KHDRBS2: variants seen among roughly 807,000 people sequenced by gnomAD.
KHDRBS2 encodes the protein KH domain-containing, RNA-binding, signal transduction-associated protein 2.
KHDRBS2 carries 26 observed loss-of-function variants against 44.3 expected under a neutral mutation model. The ratio of observed to expected loss-of-function variants is 0.59; its 90% CI spans 0.43 to 0.81. KHDRBS2 has a LOEUF of 0.81. Among genes scored for constraint, KHDRBS2 ranks in the 40% least tolerant of loss-of-function variants. The probability of loss-of-function intolerance (pLI) is 0.00; values close to 1 mark genes in which losing one functional copy is unlikely to be tolerated. For synonymous variants in KHDRBS2, 194 were observed against 151.1 expected (o/e 1.28, Z -2.08); for missense variants, 476 against 433.1 (o/e 1.10, Z -0.88).
chr6:62,023,281 T>C (rs750293244), intron 3 of KHDRBS2, among the ~76,000 whole-genome samples: 2 of 151,714 alleles, frequency 1.3e-5, no homozygotes, highest in Non-Finnish European at 1.5e-5. Context: ...AACCTGAGTA[T>C]GTGCTTATAT....
chr6:62,131,727 G>T (rs1451488987), intron 2 of KHDRBS2, among the ~76,000 whole-genome samples: 1 of 152,160 alleles, frequency 6.6e-6, no homozygotes, highest in East Asian at 1.9e-4. Flanking sequence ...GCCTGTTGAT[G>T]CAACACATGT....
At chr6:61,625,850 TAA>T in the KHDRBS2 span, among the ~76,000 whole-genome samples, 1 of 152,322 alleles carries the variant, frequency 6.6e-6, no homozygotes, top group South Asian at 2.1e-4. Flanking sequence ...TCATTGTGAT[TAA>T]AACTAAGCAC....
chr6:61,867,611 T>C (rs1256154685), intron 6 of KHDRBS2, among the ~76,000 whole-genome samples: 1 of 152,238 alleles, frequency 6.6e-6, no homozygotes, highest in African/African-American at 2.4e-5. Flanking sequence ...TCTTTGATGT[T>C]GCTGATCTTT....
intron 2 of KHDRBS2, among the ~76,000 whole-genome samples, chr6:62,147,916 TAGA>T (rs1323307785): frequency 1.3e-5 from 2 of 152,020 alleles, no homozygotes; most frequent in Non-Finnish European, 2.9e-5. Flanking sequence ...ACAAAGCTCT[TAGA>T]AGTTTTATCC....
intron 2 of KHDRBS2, among the ~76,000 whole-genome samples, chr6:62,091,157 C>T (rs1441269468): frequency 2.6e-5 from 4 of 152,102 alleles, no homozygotes; most frequent in East Asian, 1.9e-4. Context: ...AGAACTGCCA[C>T]GTTCTTGATC....
At chr6:61,709,598 A>G (rs1233847096) in intron 7 of KHDRBS2, among the ~76,000 whole-genome samples, 1 of 151,646 alleles carries the variant, frequency 6.6e-6, no homozygotes, top group African/African-American at 2.4e-5. Flanking sequence ...TTTTTTGCTT[A>G]CTTTGACCCT....
the KHDRBS2 span, among the ~76,000 whole-genome samples, chr6:61,552,015 A>C: frequency 1.3e-5 from 2 of 151,526 alleles, no homozygotes; most frequent in African/African-American, 4.9e-5. Flanking sequence ...TTGTATCCCA[A>C]AACTTTACTG....
At chr6:61,855,671 G>T (rs1471941743) in intron 6 of KHDRBS2, among the ~76,000 whole-genome samples, 3 of 144,108 alleles carry the variant, frequency 2.1e-5, no homozygotes, top group Non-Finnish European at 4.7e-5. Flanking sequence ...GTTTTTCCCT[G>T]AAGTCTAAGA....
intron 2 of KHDRBS2, among the ~76,000 whole-genome samples, chr6:62,109,077 C>A (rs1804334573): frequency 6.8e-6 from 1 of 146,720 alleles, no homozygotes; most frequent in South Asian, 2.2e-4. Context: ...TGCACATGTA[C>A]CCTAAAACTT....
chr6:61,967,132 A>G (rs1770153940), intron 4 of KHDRBS2, among the ~76,000 whole-genome samples: 1 of 151,600 alleles, frequency 6.6e-6, no homozygotes, highest in Non-Finnish European at 1.5e-5. Context: ...ATATAACAAG[A>G]CACATGAAAT....
the KHDRBS2 span, among the ~76,000 whole-genome samples, chr6:61,672,729 G>T: frequency 6.6e-6 from 1 of 151,700 alleles, no homozygotes; most frequent in Admixed American, 6.6e-5. Flanking sequence ...TGAGTTCATT[G>T]TAGATTCTGG....
chr6:61,760,839 A>G (rs1282231494), intron 6 of KHDRBS2, among the ~76,000 whole-genome samples: 1 of 152,232 alleles, frequency 6.6e-6, no homozygotes, highest in African/African-American at 2.4e-5. Flanking sequence ...CAGGCATAAT[A>G]CAAATAGGTT....
intron 1 of KHDRBS2, among the ~76,000 whole-genome samples, chr6:62,193,491 G>A (rs187599793): frequency 6.6e-5 from 10 of 152,154 alleles, no homozygotes; most frequent in Admixed American, 1.3e-4. Context: ...CCTAATATAT[G>A]TAATTTAAGG....
chr6:61,955,349 CATATATAT>C (rs1766581587), intron 4 of KHDRBS2, among the ~76,000 whole-genome samples: 1 of 100,842 alleles, frequency 9.9e-6, no homozygotes, highest in African/African-American at 4.5e-5. Context: ...TGTATGTATA[CATATATAT>C]GTATACATAT....
intron 6 of KHDRBS2, among the ~76,000 whole-genome samples, chr6:61,813,649 T>C (rs1418886140): frequency 6.6e-6 from 1 of 152,186 alleles, no homozygotes; most frequent in Non-Finnish European, 1.5e-5. Flanking sequence ...TTATAAATTA[T>C]AGTACAGTCT....
intron 2 of KHDRBS2, among the ~76,000 whole-genome samples, chr6:62,063,075 C>A (rs1244515808): frequency 1.4e-5 from 2 of 141,000 alleles, no homozygotes; most frequent in African/African-American, 5.2e-5. Flanking sequence ...CAAGACTAAA[C>A]CAGGAAGAAG....
chr6:61,558,140 T>A, the KHDRBS2 span, among the ~76,000 whole-genome samples: 2 of 152,170 alleles, frequency 1.3e-5, no homozygotes, highest in Non-Finnish European at 2.9e-5. Flanking sequence ...TATGCACTGA[T>A]CTTTATTATT....
intron 2 of KHDRBS2, among the ~76,000 whole-genome samples, chr6:62,114,890 T>C (rs1443622498): frequency 4.6e-5 from 7 of 152,026 alleles, no homozygotes. Context: ...GAAATTTATG[T>C]TAAAAATGGA....
chr6:61,902,744 AT>A (rs960487983), intron 4 of KHDRBS2, among the ~76,000 whole-genome samples: 5 of 152,146 alleles, frequency 3.3e-5, no homozygotes, highest in African/African-American at 1.2e-4. Context: ...GAGACTAAAA[AT>A]TAATATTATC....
Sources: allele counts gnomAD v4.1 joint callset (sites outside exome capture counted in the v4.1 genomes callset), GRCh38; gene constraint gnomAD v4.1.1; transcripts MANE v1.5; gene names NCBI Gene and HGNC (gene_info 2026-07-23, HGNC 2026-07-21).